The following FGF7 variants were observed in gnomAD, a reference collection of about 807,000 sequenced individuals.
FGF7 encodes the protein FGF-7.
In FGF7, 6 loss-of-function variants were observed where a neutral mutation model predicts 20.5. The ratio of observed to expected loss-of-function variants is 0.29; its 90% CI spans 0.16 to 0.58. FGF7 has a LOEUF of 0.58. Among genes scored for constraint, FGF7 ranks in the 20% least tolerant of loss-of-function variants. The pLI is 0.90. For missense variants in FGF7, 144 were observed against 228.8 expected (o/e 0.63, Z 2.39); for synonymous variants, 64 against 74.7 (o/e 0.86, Z 0.74).
intron 2 of FGF7, among the ~76,000 whole-genome samples, chr15:49,451,815 G>A (rs982626154): frequency 1.1e-4 from 17 of 152,050 alleles, no homozygotes; most frequent in African/African-American, 3.9e-4. Context: ...AATCAAGAGC[G>A]GTCAAGTAAA....
intron 2 of FGF7, among the ~76,000 whole-genome samples, chr15:49,445,113 T>C (rs547100424): frequency 7.3e-5 from 11 of 151,700 alleles, no homozygotes; most frequent in East Asian, 5.8e-4. Flanking sequence ...TTTAAAATGG[T>C]TGGTGTTTTT....
At position 49,465,026 on chromosome 15, in the gene FGF7, A is replaced by G. The variant is rs73400235; in HGVS notation, c.287-18125A>G. ...AATGTTATAAATGTCTAGTTAAGAA[A>G]CTATAATGGACTGTATTCAATGTAT... On this transcript the variant is annotated intron_variant, in intron 2 of 3. Transcript: ENST00000267843. Among the ~76,000 whole-genome samples the G allele has an allele frequency of 9.7e-3, 1,471 of 152,352 alleles. 23 individuals are homozygous for G. The highest frequency in any genetic ancestry group is 0.034 in the African/African-American group (1,413 of 41,578).
intron 3 of FGF7, among the ~76,000 whole-genome samples, chr15:49,483,925 G>A (rs1445127749): frequency 6.6e-6 from 1 of 152,038 alleles, no homozygotes; most frequent in Non-Finnish European, 1.5e-5. Flanking sequence ...TCTCTCACCT[G>A]AGGGAGGCAG....
chr15:49,472,345 A>C (rs1275050268), intron 2 of FGF7, among the ~76,000 whole-genome samples: 1 of 152,192 alleles, frequency 6.6e-6, no homozygotes, highest in Non-Finnish European at 1.5e-5. Context: ...CCCAAGGTAG[A>C]ATCCAAATTC....
intron 2 of FGF7, among the ~76,000 whole-genome samples, chr15:49,450,056 A>C (rs2052583192): frequency 6.6e-6 from 1 of 152,160 alleles, no homozygotes; most frequent in South Asian, 2.1e-4. Flanking sequence ...TGCATGTGCC[A>C]AAGTTGTATA....
chr15:49,423,768 G>T (rs2049888399), intron 1 of FGF7, among the ~76,000 whole-genome samples: 1 of 152,094 alleles, frequency 6.6e-6, no homozygotes, highest in Non-Finnish European at 1.5e-5. Context: ...AGTTCTGAGT[G>T]CAGTATGGTT....
intron 2 of FGF7, among the ~76,000 whole-genome samples, chr15:49,461,084 T>TA (rs1408751597): frequency 6.6e-6 from 1 of 152,164 alleles, no homozygotes; most frequent in Admixed American, 6.5e-5. Context: ...TATTTCCTTC[T>TA]AGTATGTTTC....
At position 49,484,474 on chromosome 15, in the gene FGF7, A is replaced by C. The variant is rs1413531200; in HGVS notation, c.555A>C (p.Thr185=). The C allele has an allele frequency of 6.4e-7, 1 of 1,571,578 alleles. No individual in the cohort carries two copies. Among genetic ancestry groups the C allele is most frequent in the East Asian group, 2.3e-5 (1 of 43,956 alleles). The part of the protein sequence containing the change: ...RGKKTKKEQK[T]AHFLPMAIT ...AAAAAACGAAGAAAGAACAAAAAAC[A>C]GCCCACTTTCTTCCTATGGCAATAA... is the stretch of plus-strand genomic sequence containing the variant. The change falls in exon 4 of 4, where the codon ACA becomes ACC. Residue 185 remains threonine (T), a synonymous_variant. Coordinates refer to ENST00000267843, the MANE Select transcript of FGF7 (RefSeq NM_002009.4).
intron 2 of FGF7, among the ~76,000 whole-genome samples, chr15:49,458,611 A>T (rs185815747): frequency 1.3e-5 from 2 of 152,272 alleles, no homozygotes; most frequent in East Asian, 3.9e-4. Flanking sequence ...TATAGAAATC[A>T]GAGGGAACTT....
At chr15:49,440,362 A>G (rs970034671) in intron 2 of FGF7, among the ~76,000 whole-genome samples, 1 of 151,760 alleles carries the variant, frequency 6.6e-6, no homozygotes, top group Non-Finnish European at 1.5e-5. Context: ...AGAGGGGTAG[A>G]ATATTGCTCC....
intron 2 of FGF7, among the ~76,000 whole-genome samples, chr15:49,453,183 CT>C (rs1393622800): frequency 2.0e-5 from 3 of 151,882 alleles, no homozygotes; most frequent in Non-Finnish European, 4.4e-5. Context: ...CTGTATTTTT[CT>C]TTTTTTAAAA....
At chr15:49,452,195 C>G (rs1216012662) in intron 2 of FGF7, among the ~76,000 whole-genome samples, 1 of 152,012 alleles carries the variant, frequency 6.6e-6, no homozygotes. Flanking sequence ...GTGCATGCTA[C>G]CATGCCCAGC....
intron 2 of FGF7, among the ~76,000 whole-genome samples, chr15:49,446,283 T>C (rs2052203403): frequency 6.6e-6 from 1 of 151,478 alleles, no homozygotes. Flanking sequence ...ATCTAGTTCA[T>C]TAAGATTTAA....
Position 49,487,651 on chromosome 15 carries a change from C to T in FGF7, c.*3147C>T, listed in dbSNP as rs1476697502. The T allele has an allele frequency of 6.6e-6, 1 of 151,740 alleles. No homozygotes were observed. The highest frequency in any genetic ancestry group is 6.6e-5 in the Admixed American group (1 of 15,204). 9.4% of individuals were successfully genotyped at this position (151,740 alleles called of 1,614,324 possible). On this transcript the variant is annotated 3_prime_UTR_variant, in exon 4 of 4. Coordinates refer to ENST00000267843, the MANE Select transcript of FGF7 (RefSeq NM_002009.4). ...ACAAGAAAAACTCTAAAACAGTGCC[C>T]CTTACGATTTTCTACTGAAATTTCT...
At position 49,488,580 on chromosome 15, in the gene FGF7, T is replaced by C. The variant is rs998244260; in HGVS notation, c.*4076T>C. 1.3e-5 allele frequency: 2 copies of C among 151,978 alleles called. No homozygotes were observed. The highest frequency in any genetic ancestry group is 4.8e-5 in the African/African-American group (2 of 41,416). 9.4% of individuals were successfully genotyped at this position (151,978 alleles called of 1,614,324 possible). A position where few individuals can be genotyped will look rare whatever the true frequency, so the allele number is the denominator to read the frequency against. On this transcript the variant is annotated 3_prime_UTR_variant, in exon 4 of 4. Transcript: ENST00000267843. ...CTTTTACTTCCTGGTTATCATGTGG[T>C]TGCATTTTCCAAGTTCTTATCATTG... is the stretch of plus-strand genomic sequence containing the variant.
In FGF7 at chr15:49,484,384, A is replaced by G; in HGVS notation, c.465A>G (p.Lys155=). The G allele has an allele frequency of 6.3e-7, 1 of 1,595,094 alleles. No homozygotes were observed. Among genetic ancestry groups the G allele is most frequent in the Non-Finnish European group, 8.5e-7 (1 of 1,178,422 alleles). ...ATTACAACACATATGCATCAGCTAA[A>G]TGGACACACAACGGAGGGGAAATGT... is the stretch of plus-strand genomic sequence containing the variant. ...ENHYNTYASA[K]WTHNGGEMFV... The change falls in exon 4 of 4, where the codon AAA becomes AAG. Residue 155 remains lysine, a synonymous_variant. Coordinates refer to ENST00000267843, the MANE Select transcript of FGF7 (RefSeq NM_002009.4).
At position 49,486,655 on chromosome 15, in the gene FGF7, G is replaced by C. The variant is rs766720527; in HGVS notation, c.*2151G>C. ...GCTATGTTAGGACCAAATGCTCTTT[G>C]TCTATGGAGTTATACTTCCATCAAA... is the stretch of plus-strand genomic sequence containing the variant. On this transcript the variant is annotated 3_prime_UTR_variant, in exon 4 of 4. Transcript: ENST00000267843. 7 of 152,034 alleles carry C rather than the reference G, an allele frequency of 4.6e-5. No individual in the cohort carries two copies. The highest frequency in any genetic ancestry group is 1.7e-4 in the African/African-American group (7 of 41,522). 9.4% of individuals were successfully genotyped at this position (152,034 alleles called of 1,614,324 possible).
intron 2 of FGF7, among the ~76,000 whole-genome samples, chr15:49,477,438 G>A (rs1462315814): frequency 6.6e-6 from 1 of 152,120 alleles, no homozygotes; most frequent in Non-Finnish European, 1.5e-5. Flanking sequence ...ACAGTATGTG[G>A]CTTTTTCAGA....
intron 2 of FGF7, among the ~76,000 whole-genome samples, chr15:49,454,844 C>T (rs1419928042): frequency 1.3e-5 from 2 of 152,170 alleles, no homozygotes; most frequent in East Asian, 1.9e-4. Context: ...CTCCTGACCT[C>T]GTGATCCGCT....
Sources: gnomAD v4.1 joint callset for allele counts (sites outside exome capture counted in the v4.1 genomes callset) on GRCh38, gnomAD v4.1.1 for gene constraint, MANE v1.5 for transcripts, NCBI Gene and HGNC (gene_info 2026-07-23, HGNC 2026-07-21) for gene names.